The following PEX7 variants were observed in gnomAD, a reference collection of about 807,000 sequenced individuals.
PEX7 encodes the protein PTS2 receptor.
PEX7 carries 34 observed loss-of-function variants against 47.5 expected under a neutral mutation model. That is an observed-to-expected ratio of 0.72 (90% CI 0.54 to 0.95). PEX7 has a LOEUF of 0.95. Ranked by LOEUF, PEX7 falls within the 40% of genes least tolerant of loss-of-function variation. PEX7 has a pLI of 0.00. For missense variants in PEX7, 394 were observed against 400.3 expected (o/e 0.98, Z 0.13); for synonymous variants, 141 against 148.8 (o/e 0.95, Z 0.38).
intron 6 of PEX7, among the ~76,000 whole-genome samples, chr6:136,869,003 C>T (rs1322773849): frequency 1.3e-5 from 2 of 152,178 alleles, no homozygotes. Context: ...AAATTTAATT[C>T]ATAGCCTTTG....
intron 3 of PEX7, among the ~76,000 whole-genome samples, chr6:136,831,763 A>G (rs1402132744): frequency 6.6e-6 from 1 of 152,280 alleles, no homozygotes; most frequent in Non-Finnish European, 1.5e-5. Flanking sequence ...TGCAGTTACT[A>G]AATCTTAAAG....
chr6:136,864,338 G>GA (rs1281378583), intron 5 of PEX7, among the ~76,000 whole-genome samples: 1 of 151,982 alleles, frequency 6.6e-6, no homozygotes, highest in Non-Finnish European at 1.5e-5. Flanking sequence ...CACATATTGA[G>GA]AGCTTACTGC....
At chr6:136,852,308 A>G (rs977537774) in intron 5 of PEX7, among the ~76,000 whole-genome samples, 11 of 149,624 alleles carry the variant, frequency 7.4e-5, no homozygotes, top group African/African-American at 2.2e-4. Context: ...AGTTCTGGCC[A>G]GGGCAATCAG....
chr6:136,887,745 A>G (rs1241526385), intron 8 of PEX7, among the ~76,000 whole-genome samples: 1 of 152,208 alleles, frequency 6.6e-6, no homozygotes, highest in Non-Finnish European at 1.5e-5. Flanking sequence ...CATTTGAGAA[A>G]AAAGCAAACT....
At chr6:136,870,380 GTTAA>G (rs1423683541) in intron 7 of PEX7, among the ~76,000 whole-genome samples, 2 of 152,076 alleles carry the variant, frequency 1.3e-5, no homozygotes, top group African/African-American at 2.4e-5. Context: ...TAAAGAGATG[GTTAA>G]TTCTTTCTTT....
At chr6:136,856,234 G>T (rs995642824) in intron 5 of PEX7, among the ~76,000 whole-genome samples, 2 of 140,980 alleles carry the variant, frequency 1.4e-5, no homozygotes, top group South Asian at 4.5e-4. Context: ...TTCATATGTT[G>T]TGTTAGAAAT....
At chr6:136,860,633 G>A (rs948820973) in intron 5 of PEX7, among the ~76,000 whole-genome samples, 4 of 149,718 alleles carry the variant, frequency 2.7e-5, no homozygotes, top group Non-Finnish European at 5.9e-5. Flanking sequence ...AAACCTGCAT[G>A]TTGTGCACAT....
rs1774223011 is a variant in PEX7, at chr6:136,827,787, C to G, written c.339+1318C>G. On this transcript the variant is annotated intron_variant, in intron 3 of 9. Transcript: ENST00000318471. ...GCTCACATGATCCACCTGCCTTGGC[C>G]TCCCAAAGTGCTGGGATTATAGGCG... Among the ~76,000 whole-genome samples, 3 of 151,810 alleles carry G rather than the reference C, an allele frequency of 2.0e-5. No individual in the cohort carries two copies. In the South Asian group the frequency reaches 6.2e-4, roughly 31 times the overall value.
intron 8 of PEX7, among the ~76,000 whole-genome samples, chr6:136,896,119 G>A (rs938677802): frequency 6.6e-5 from 10 of 152,164 alleles, no homozygotes; most frequent in African/African-American, 1.9e-4. Context: ...TTATCTCAGT[G>A]CAGCTTTGTC....
intron 8 of PEX7, among the ~76,000 whole-genome samples, chr6:136,880,643 C>A (rs1222535139): frequency 6.6e-6 from 1 of 152,152 alleles, no homozygotes; most frequent in African/African-American, 2.4e-5. Context: ...CTTTGTTGTT[C>A]TGTATTGGTT....
At chr6:136,852,970 T>C (rs62420686) in intron 5 of PEX7, among the ~76,000 whole-genome samples, 9 of 127,814 alleles carry the variant, frequency 7.0e-5, no homozygotes, top group African/African-American at 1.8e-4. Flanking sequence ...GAGATATAGA[T>C]CAATGGAACA....
intron 9 of PEX7, among the ~76,000 whole-genome samples, chr6:136,907,398 G>C (rs1775862993): frequency 6.6e-6 from 1 of 152,100 alleles, no homozygotes; most frequent in South Asian, 2.1e-4. Flanking sequence ...GGTTGAGTAA[G>C]TAAAGCATGT....
chr6:136,908,905 G>T (rs1775887764), intron 9 of PEX7, among the ~76,000 whole-genome samples: 1 of 152,174 alleles, frequency 6.6e-6, no homozygotes, highest in South Asian at 2.1e-4. Flanking sequence ...TGTCTAGCGG[G>T]TTCCTCCTTT....
chr6:136,909,675 T>C (rs946859781), intron 9 of PEX7, among the ~76,000 whole-genome samples: 3 of 152,248 alleles, frequency 2.0e-5, no homozygotes, highest in Non-Finnish European at 4.4e-5. Context: ...AATAGAGGAA[T>C]ACTATTTTCA....
intron 1 of PEX7, among the ~76,000 whole-genome samples, chr6:136,824,192 CTTT>C (rs934368138): frequency 8.6e-4 from 131 of 152,208 alleles, no homozygotes; most frequent in African/African-American, 2.3e-3. Context: ...TAGTAGTTTT[CTTT>C]TTTTCTTTTT....
At chr6:136,831,441 T>C (rs1345724280) in intron 3 of PEX7, among the ~76,000 whole-genome samples, 3 of 152,170 alleles carry the variant, frequency 2.0e-5, no homozygotes, top group Admixed American at 6.5e-5. Flanking sequence ...GGTGGGGATA[T>C]AAAGCCAAAC....
At chr6:136,884,228 T>C (rs1447794971) in intron 8 of PEX7, among the ~76,000 whole-genome samples, 2 of 152,212 alleles carry the variant, frequency 1.3e-5, no homozygotes, top group Non-Finnish European at 1.5e-5. Context: ...TGACCACTGA[T>C]TGGAAAGGTC....
chr6:136,885,941 C>T (rs1775461194), intron 8 of PEX7, among the ~76,000 whole-genome samples: 1 of 152,102 alleles, frequency 6.6e-6, no homozygotes, highest in African/African-American at 2.4e-5. Flanking sequence ...TAGTACCCAC[C>T]ACATGGGATT....
chr6:136,888,684 C>T (rs1019181287), intron 8 of PEX7, among the ~76,000 whole-genome samples: 5 of 151,988 alleles, frequency 3.3e-5, no homozygotes, highest in Non-Finnish European at 5.9e-5. Context: ...TCCCTGGCTC[C>T]TGGGATGTGG....
Sources: allele counts gnomAD v4.1 joint callset (sites outside exome capture counted in the v4.1 genomes callset), GRCh38; gene constraint gnomAD v4.1.1; transcripts MANE v1.5; gene names NCBI Gene and HGNC (gene_info 2026-07-23, HGNC 2026-07-21).